The following AHDC1 variants were observed in gnomAD, a reference collection of about 807,000 sequenced individuals.
AHDC1 encodes transcription factor Gibbin.
In AHDC1, 7 loss-of-function variants were observed where a neutral mutation model predicts 87.9. That is an observed-to-expected ratio of 0.08 (90% CI 0.05 to 0.15). The LOEUF (loss-of-function observed/expected upper bound fraction) is 0.15, where lower values mean the gene tolerates loss of function less well. Ranked by LOEUF, AHDC1 falls within the 10% of genes least tolerant of loss-of-function variation. The pLI is 1.00. For missense variants in AHDC1, 1,841 were observed against 2,253.2 expected (o/e 0.82, Z 3.70); for synonymous variants, 1,051 against 1,006.8 (o/e 1.04, Z -0.83).
At chr1:27,596,530 C>T (rs560173822) in intron 3 of AHDC1, among the ~76,000 whole-genome samples, 1 of 152,120 alleles carries the variant, frequency 6.6e-6, no homozygotes, top group African/African-American at 2.4e-5. Flanking sequence ...CGTGCTTGTG[C>T]TGGATGTTCC....
chr1:27,572,835 C>T (rs571126916), intron 3 of AHDC1, among the ~76,000 whole-genome samples: 3 of 152,326 alleles, frequency 2.0e-5, no homozygotes, highest in East Asian at 3.9e-4. Flanking sequence ...ACCGCCCCTG[C>T]GATCGCTCTT....
At position 27,595,311 on chromosome 1, in the gene AHDC1, CAG is replaced by C. The variant is rs2148486448; in HGVS notation, c.-629+8084_-629+8085del. Among the ~76,000 whole-genome samples the C allele has an allele frequency of 6.6e-6, 1 of 151,552 alleles. No homozygotes were observed. The highest frequency in any genetic ancestry group is 2.4e-5 in the African/African-American group (1 of 41,260). The stretch of plus-strand genomic sequence containing the variant: ...TGGGAGAAACGTTGGGGGCTGTGGG[CAG>C]AGTGTGTGTGTCTGGGGAGGTGTCA... On this transcript the variant is annotated intron_variant, in intron 3 of 8. Coordinates refer to ENST00000673934, the MANE Select transcript of AHDC1 (RefSeq NM_001371928.1). The surrounding 1 kb of genome is among the most constrained non-coding windows in gnomAD (Gnocchi z 4.0).
chr1:27,584,585 T>C (rs1438730538), intron 3 of AHDC1, among the ~76,000 whole-genome samples: 1 of 152,200 alleles, frequency 6.6e-6, no homozygotes, highest in Admixed American at 6.5e-5. Flanking sequence ...TTCCAGTTAG[T>C]TGGGCAGCAA....
intron 3 of AHDC1, among the ~76,000 whole-genome samples, chr1:27,567,457 G>A (rs2020372973): frequency 1.3e-5 from 2 of 152,176 alleles, no homozygotes; most frequent in Admixed American, 6.5e-5. Context: ...CTAATTGTCT[G>A]AAGGAACAGG....
chr1:27,576,714 C>T (rs549431399), intron 3 of AHDC1, among the ~76,000 whole-genome samples: 51 of 152,318 alleles, frequency 3.3e-4, no homozygotes, highest in African/African-American at 1.2e-3. Flanking sequence ...ACCCCTTCTG[C>T]TCTGGTCCCA....
intron 3 of AHDC1, among the ~76,000 whole-genome samples, chr1:27,566,615 G>C (rs2020327734): frequency 1.4e-5 from 2 of 143,536 alleles, no homozygotes; most frequent in African/African-American, 5.2e-5. Context: ...GGAAGAGGGG[G>C]TGACACTACT....
intron 3 of AHDC1, among the ~76,000 whole-genome samples, chr1:27,583,763 G>A (rs555807385): frequency 5.9e-5 from 9 of 152,148 alleles, no homozygotes; most frequent in Admixed American, 1.3e-4. Context: ...CTTTGAACCC[G>A]ATTCCTATCT....
At position 27,560,378 on chromosome 1, in the gene AHDC1, G is replaced by A. The variant is rs919689856; in HGVS notation, c.-628-1495C>T. Among the ~76,000 whole-genome samples the A allele has an allele frequency of 1.3e-5, 2 of 152,122 alleles. No homozygotes were observed. The highest frequency in any genetic ancestry group is 2.4e-5 in the African/African-American group (1 of 41,406). ...ATCTCGCTGTGTCAGGAGCCAAACC[G>A]GCTCCTGCCTGTCTCAGAGCTCTCT... On this transcript the variant is annotated intron_variant, in intron 3 of 8. Coordinates refer to ENST00000673934, the MANE Select transcript of AHDC1 (RefSeq NM_001371928.1). This position sits in a 1 kb window ranked among gnomAD's most constrained non-coding sequence, Gnocchi z 4.1.
At chr1:27,541,571 G>A (rs916867849) in intron 8 of AHDC1, among the ~76,000 whole-genome samples, 9 of 151,060 alleles carry the variant, frequency 6.0e-5, no homozygotes, top group East Asian at 1.9e-4. Context: ...TGCCCGCCTC[G>A]GCCTCTGAAA....
intron 3 of AHDC1, among the ~76,000 whole-genome samples, chr1:27,574,566 G>A (rs1173465128): frequency 1.3e-5 from 2 of 152,148 alleles, no homozygotes; most frequent in African/African-American, 2.4e-5. Context: ...TAGGTGAAGC[G>A]TGCCTATCCC....
Position 27,551,447 on chromosome 1 carries a change from C to G in AHDC1, c.669G>C (p.Thr223=). ...GHSPGATAAA[T]GLPPEPEPDS... ...CTGGCTCAGGCTCTGGGGGCAGACC[C>G]GTGGCCGCAGCCGTGGCTCCGGGAC... Residue 223 remains threonine, a synonymous_variant, in exon 8 of 9, where the codon ACG becomes ACC. Coordinates refer to ENST00000673934, the MANE Select transcript of AHDC1 (RefSeq NM_001371928.1). 6.2e-7 allele frequency: 1 copy of G among 1,612,104 alleles called. No homozygotes were observed. Among genetic ancestry groups the G allele is most frequent in the Non-Finnish European group, 8.5e-7 (1 of 1,179,728 alleles).
intron 3 of AHDC1, among the ~76,000 whole-genome samples, chr1:27,564,519 G>C (rs998519174): frequency 6.6e-6 from 1 of 152,208 alleles, no homozygotes; most frequent in South Asian, 2.1e-4. Flanking sequence ...GGAAGCTTCT[G>C]ATTGAAGAGA....
intron 3 of AHDC1, among the ~76,000 whole-genome samples, chr1:27,600,138 T>G (rs1050771968): frequency 6.6e-6 from 1 of 151,886 alleles, no homozygotes; most frequent in African/African-American, 2.4e-5. Context: ...GGTCTCCATC[T>G]TTCTCTCTCT....
At chr1:27,573,468 C>G in intron 3 of AHDC1, among the ~76,000 whole-genome samples, 1 of 152,232 alleles carries the variant, frequency 6.6e-6, no homozygotes, top group African/African-American at 2.4e-5. Flanking sequence ...GAGGTGGAAC[C>G]GACTAGTTGG....
rs539807823 is a variant in AHDC1, at chr1:27,590,213, C to T, written c.-629+13184G>A. 4.4e-4 allele frequency among the ~76,000 whole-genome samples: 67 copies of T among 152,306 alleles called. No individual in the cohort carries two copies. Among genetic ancestry groups the T allele is most frequent in the African/African-American group, 1.4e-3 (57 of 41,574 alleles). Reference sequence around the variant, plus strand: ...GAGCAGGCTGCGGGGTTTGGCAGCGCGCCTGCTGGAGACCCGCCCTCACCC... The same window carrying T: ...GAGCAGGCTGCGGGGTTTGGCAGCGTGCCTGCTGGAGACCCGCCCTCACCC... On this transcript the variant is annotated intron_variant, in intron 3 of 8. Coordinates refer to ENST00000673934, the MANE Select transcript of AHDC1 (RefSeq NM_001371928.1). The surrounding 1 kb of genome is among the most constrained non-coding windows in gnomAD (Gnocchi z 5.4).
Position 27,598,849 on chromosome 1 carries a change from C to T in AHDC1, c.-629+4548G>A, listed in dbSNP as rs1462210958. Among the ~76,000 whole-genome samples, 2 of 152,158 alleles carry T rather than the reference C, an allele frequency of 1.3e-5. No individual in the cohort carries two copies. The highest frequency in any genetic ancestry group is 2.4e-5 in the African/African-American group (1 of 41,410). On this transcript the variant is annotated intron_variant, in intron 3 of 8. Transcript: ENST00000673934. The surrounding 1 kb of genome is among the most constrained non-coding windows in gnomAD (Gnocchi z 4.2). ...CCAGCATCCACCGTCATGACATGAACGCAGAGACCAGCACCCTACCTTGCA... is the reference window on the plus strand; with the variant it reads ...CCAGCATCCACCGTCATGACATGAATGCAGAGACCAGCACCCTACCTTGCA...
At chr1:27,581,247 AG>A (rs1467653650) in intron 3 of AHDC1, among the ~76,000 whole-genome samples, 1 of 152,096 alleles carries the variant, frequency 6.6e-6, no homozygotes, top group Non-Finnish European at 1.5e-5. Context: ...CTCCCACCTC[AG>A]CCTCCCAAGT....
intron 3 of AHDC1, among the ~76,000 whole-genome samples, chr1:27,599,702 T>C (rs1468673977): frequency 1.3e-5 from 2 of 152,266 alleles, no homozygotes; most frequent in African/African-American, 2.4e-5. Flanking sequence ...TGGGTGTCTT[T>C]TGGCACAGAG....
intron 3 of AHDC1, among the ~76,000 whole-genome samples, chr1:27,567,522 C>T (rs1376423452): frequency 4.1e-4 from 62 of 152,260 alleles, no homozygotes; most frequent in Admixed American, 3.2e-3. Flanking sequence ...GCTGCCTGGC[C>T]CCATCCCTGG....
Sources: allele counts gnomAD v4.1 joint callset (sites outside exome capture counted in the v4.1 genomes callset), GRCh38; gene constraint gnomAD v4.1.1; non-coding constraint Gnocchi (gnomAD v3.1); transcripts MANE v1.5; gene names NCBI Gene and HGNC (gene_info 2026-07-23, HGNC 2026-07-21).